Variants in MYOM2 observed in about 807,000 individuals in gnomAD.
MYOM2 encodes the protein myomesin 2, also known as myomesin-2.
Under a neutral mutation model 187.6 loss-of-function variants are expected in MYOM2, and 254 were observed. The observed-to-expected ratio is 1.35, with a 90% confidence interval of 1.22 to 1.50. The LOEUF is 1.50. Among genes scored for constraint, MYOM2 ranks in the 40% most tolerant of loss-of-function variants. The probability of loss-of-function intolerance (pLI) is 0.00; values close to 1 mark genes in which losing one functional copy is unlikely to be tolerated. For synonymous variants in MYOM2, 981 were observed against 753.8 expected (o/e 1.30, Z -4.94); for missense variants, 2,796 against 1,924.0 (o/e 1.45, Z -8.48).
chr8:2,106,770 A>G (rs777016733), intron 23 of MYOM2, among the ~76,000 whole-genome samples, 173 bp downstream of exon 23: 5 of 152,228 alleles, frequency 3.3e-5, no homozygotes, highest in Non-Finnish European at 5.9e-5. Flanking sequence ...AACAAACTCT[A>G]AAGTTTATAC....
At chr8:2,051,684 A>T (rs1460482073) in intron 2 of MYOM2, among the ~76,000 whole-genome samples, 1 of 152,182 alleles carries the variant, frequency 6.6e-6, no homozygotes, top group East Asian at 1.9e-4. Flanking sequence ...AGCCAGAAAG[A>T]CTGTGGCCGG....
At chr8:2,127,498 C>A (rs1300579602) in intron 31 of MYOM2, among the ~76,000 whole-genome samples, 2 of 152,236 alleles carry the variant, frequency 1.3e-5, no homozygotes, top group African/African-American at 4.8e-5. Context: ...CCCCTGTTGT[C>A]CCTCAGGTTC....
intron 34 of MYOM2, among the ~76,000 whole-genome samples, chr8:2,141,871 A>T (rs1027486884): frequency 3.3e-5 from 5 of 152,204 alleles, no homozygotes; most frequent in African/African-American, 1.2e-4. Context: ...AGGGCAGCAC[A>T]TCACACACAG....
In MYOM2 at chr8:2,086,297, CGCGTGGCCCCCCACAGTCGTGATCTCT is replaced by C. The variant is rs1796042661; in HGVS notation, c.1644+922_1644+948del. Among the ~76,000 whole-genome samples the C allele has an allele frequency of 3.3e-4, 20 of 60,726 alleles. 1 individual carries two copies. Among genetic ancestry groups the C allele is most frequent in the Non-Finnish European group, 5.3e-4 (17 of 32,348 alleles). The allele number at this position is 60,726 out of a possible 152,430, so 39.8% of individuals were successfully genotyped here. The stretch of plus-strand genomic sequence containing the variant: ...TCTGGCACCCCACTGTCGTGATCTC[CGCGTGGCCCCCCACAGTCGTGATCTCT>C]GCGTGGCCCCCCACTGTTGTGATCT... On this transcript the variant is annotated intron_variant, in intron 14 of 36. Transcript: ENST00000262113.
intron 30 of MYOM2, 131 bp downstream of exon 30, chr8:2,123,773 GA>G (rs1404391350): frequency 4.0e-6 from 3 of 748,686 alleles, no homozygotes; most frequent in Non-Finnish European, 4.4e-6. Flanking sequence ...TAACACTGTA[GA>G]AAAAAACTAT....
rs539456531 is a variant in MYOM2, at chr8:2,126,369, C to T, written c.3694+2152C>T. 1.3e-3 allele frequency among the ~76,000 whole-genome samples: 165 copies of T among 128,356 alleles called. 5 individuals are homozygous for T. The South Asian group carries it at 0.036, about 28-fold the overall frequency. The allele number at this position is 128,356 out of a possible 152,430, so 84.2% of individuals were successfully genotyped here. A position where few individuals can be genotyped will look rare whatever the true frequency, so the allele number is the denominator to read the frequency against. ...TGTTGTCAACACACTCACACCCACA[C>T]ACTCACATCCCCACACTCACACAGC... is the stretch of plus-strand genomic sequence containing the variant. On this transcript the variant is annotated intron_variant, in intron 31 of 36. Coordinates refer to ENST00000262113, the MANE Select transcript of MYOM2 (RefSeq NM_003970.4).
At chr8:2,082,587 C>T (rs898906662) in intron 13 of MYOM2, among the ~76,000 whole-genome samples, 5 of 152,154 alleles carry the variant, frequency 3.3e-5, no homozygotes, top group African/African-American at 4.8e-5. Flanking sequence ...GCTATCCATG[C>T]GCTTGCCTTA....
rs1819247296 is a variant in MYOM2, at chr8:2,072,199, C to G, written c.794-146C>G. ...TGAGCCGAGGTCGCACCACTGCACT[C>G]CAACCTGGACAACAGAGCGAGACTC... On this transcript the variant is annotated intron_variant, in intron 8 of 36. Coordinates refer to ENST00000262113, the MANE Select transcript of MYOM2 (RefSeq NM_003970.4). The G allele has an allele frequency of 5.2e-5, 38 of 735,730 alleles. No individual in the cohort carries two copies. In the South Asian group the frequency reaches 6.1e-4, roughly 12 times the overall value. The allele number at this position is 735,730 out of a possible 1,614,324, so 45.6% of individuals were successfully genotyped here.
At position 2,057,444 on chromosome 8, in the gene MYOM2, C is replaced by T. The variant is rs1228009408; in HGVS notation, c.360C>T (p.Ser120=). 10 of 1,613,928 alleles carry T rather than the reference C, an allele frequency of 6.2e-6. No homozygotes were observed. The highest frequency in any genetic ancestry group is 8.5e-6 in the Non-Finnish European group (10 of 1,179,992). ...HLEEDVHLAR[S]QARDKLDKYA... ...AGGAGGATGTCCACCTGGCACGCTC[C>T]CAGGCCCGCGACAAGCTGGACAAAT... Residue 120 remains serine (S), a synonymous_variant, in exon 4 of 37, where the codon TCC becomes TCT. Transcript: ENST00000262113.
intron 8 of MYOM2, among the ~76,000 whole-genome samples, chr8:2,071,732 C>T (rs188455637): frequency 7.2e-5 from 11 of 152,282 alleles, no homozygotes; most frequent in East Asian, 1.9e-4. Flanking sequence ...GGGCAGTTTA[C>T]GAACAGCAAA....
chr8:2,075,023 C>T (rs768223073), intron 10 of MYOM2, among the ~76,000 whole-genome samples: 4 of 152,232 alleles, frequency 2.6e-5, no homozygotes, highest in Non-Finnish European at 5.9e-5. Context: ...GGGTGCAGGA[C>T]GCATCCATAC....
intron 18 of MYOM2, chr8:2,097,932 C>G (rs1796549612): frequency 1.3e-5 from 2 of 152,092 alleles, no homozygotes; most frequent in Non-Finnish European, 2.9e-5. Context: ...GCTGCTGGAA[C>G]TTTGTCCCTC....
chr8:2,097,204 CTCTTTA>C (rs1796525430), intron 18 of MYOM2: 2 of 563,964 alleles, frequency 3.5e-6, no homozygotes, highest in East Asian at 1.4e-4. Context: ...ATAAATCTAT[CTCTTTA>C]TAATATATGT....
At chr8:2,128,240 G>A (rs1434021553) in intron 31 of MYOM2, among the ~76,000 whole-genome samples, 1 of 152,128 alleles carries the variant, frequency 6.6e-6, no homozygotes, top group Non-Finnish European at 1.5e-5. Flanking sequence ...TGAACTCCTA[G>A]AAGCACAATA....
At chr8:2,132,295 T>C (rs1034297193) in intron 32 of MYOM2, among the ~76,000 whole-genome samples, 1 of 150,264 alleles carries the variant, frequency 6.7e-6, no homozygotes, top group African/African-American at 2.5e-5. Flanking sequence ...TTTTGTGAAA[T>C]GCGGACGTAA....
intron 10 of MYOM2, among the ~76,000 whole-genome samples, chr8:2,074,538 T>G (rs1006842971): frequency 1.9e-4 from 29 of 152,114 alleles, no homozygotes; most frequent in Admixed American, 1.8e-3. Context: ...CACTGCAACC[T>G]CCGCCTCCTG....
intron 32 of MYOM2, among the ~76,000 whole-genome samples, chr8:2,136,364 G>A (rs982359988): frequency 1.3e-5 from 2 of 152,190 alleles, no homozygotes; most frequent in African/African-American, 4.8e-5. Context: ...CGGAGGTGGG[G>A]CCAGAAGCAT....
At chr8:2,115,861 C>T in intron 25 of MYOM2, 99 bp from the exon 26 acceptor site, 8 of 1,332,966 alleles carry the variant, frequency 6.0e-6, no homozygotes, top group South Asian at 2.9e-5. Context: ...TATCATAATC[C>T]CTTGAGATCT....
intron 1 of MYOM2, among the ~76,000 whole-genome samples, chr8:2,049,013 A>T (rs1481226628): frequency 6.6e-6 from 1 of 151,788 alleles, no homozygotes; most frequent in African/African-American, 2.4e-5. Context: ...GGGTAGTCTC[A>T]ATCTCCTGAC....
Sources: allele counts gnomAD v4.1 joint callset (sites outside exome capture counted in the v4.1 genomes callset), GRCh38; gene constraint gnomAD v4.1.1; transcripts MANE v1.5; gene names NCBI Gene and HGNC (gene_info 2026-07-23, HGNC 2026-07-21).